The following KIF2C variants were observed in gnomAD, a reference collection of about 807,000 sequenced individuals.
KIF2C encodes the protein kinesin family member 2C.
Under a neutral mutation model 97.4 loss-of-function variants are expected in KIF2C, and 34 were observed. That is an observed-to-expected ratio of 0.35 (90% CI 0.27 to 0.46). The LOEUF is 0.46. KIF2C is among the 20% of genes least tolerant of loss of function. The pLI is 1.00. For missense variants in KIF2C, 750 were observed against 907.6 expected, an observed-to-expected ratio of 0.83 and a Z score of 2.23; for synonymous variants, 313 against 318.2, an observed-to-expected ratio of 0.98 and a Z score of 0.17.
Position 44,754,823 on chromosome 1 carries a change from A to G in KIF2C, c.737A>G (p.His246Arg), listed in dbSNP as rs1314723154. The change falls in exon 8 of 21, where the codon CAT becomes CGT. Residue 246 changes from histidine (H) to arginine (R), a missense_variant. Physicochemically the swap from His to Arg is conservative, Grantham distance 29. Transcript: ENST00000372224. ...GAATTTCGGGCTACTTTGGAATGTCATCCACTTACTATGACTGATCCTGTA... is the reference window on the plus strand; with the variant it reads ...GAATTTCGGGCTACTTTGGAATGTCGTCCACTTACTATGACTGATCCTGTA... ...IKEFRATLEC[H>R]PLTMTDPIEE... is the part of the protein sequence containing the mutation. 1 of 1,610,210 alleles carries G rather than the reference A, an allele frequency of 6.2e-7. No individual in the cohort carries two copies. Among genetic ancestry groups the G allele is most frequent in the Non-Finnish European group, 8.5e-7 (1 of 1,176,526 alleles).
chr1:44,747,121 A>G (rs868823920), intron 2 of KIF2C, among the ~76,000 whole-genome samples: 16 of 152,166 alleles, frequency 1.1e-4, no homozygotes, highest in Middle Eastern at 3.4e-3. Flanking sequence ...CATCCTGGCC[A>G]ACATGGTGAA....
At position 44,759,316 on chromosome 1, in the gene KIF2C, C is replaced by T; in HGVS notation, c.1335C>T (p.Val445=). Residue 445 remains valine (V), a synonymous_variant, in exon 14 of 21, where the codon GTC becomes GTT. Coordinates refer to ENST00000372224, the MANE Select transcript of KIF2C (RefSeq NM_006845.4). ...QEHLVNSADD[V]IKMIDMGSAC... ...ATCTGGTTAACTCTGCTGATGATGT[C>T]ATCAAGATGATCGACATGGGCAGCG... 6.2e-7 allele frequency: 1 copy of T among 1,614,168 alleles called. No individual in the cohort carries two copies. Among genetic ancestry groups the T allele is most frequent in the East Asian group, 2.2e-5 (1 of 44,890 alleles).
chr1:44,741,379 CAA>C (rs764626810), intron 2 of KIF2C, among the ~76,000 whole-genome samples: 21 of 58,478 alleles, frequency 3.6e-4, no homozygotes, highest in Admixed American at 8.1e-4. Context: ...GAATCTGTCT[CAA>C]AAAAAAAAAA....
chr1:44,749,355 G>T (rs1412783644), intron 4 of KIF2C, among the ~76,000 whole-genome samples: 1 of 152,052 alleles, frequency 6.6e-6, no homozygotes, highest in Non-Finnish European at 1.5e-5. Flanking sequence ...AATCGTTTGA[G>T]CCCGGGGGGG....
intron 19 of KIF2C, among the ~76,000 whole-genome samples, chr1:44,765,453 TATA>T (rs1486696800): frequency 1.4e-5 from 2 of 146,922 alleles, no homozygotes; most frequent in East Asian, 4.0e-4. Context: ...GAACTTAAAG[TATA>T]ATAATAAAAA....
chr1:44,746,365 C>T (rs577424212), intron 2 of KIF2C: 446 of 1,049,556 alleles, frequency 4.2e-4, no homozygotes, highest in Non-Finnish European at 4.8e-4. Flanking sequence ...GAATTGTGAC[C>T]TCATTGCAGG....
intron 6 of KIF2C, 87 bp downstream of exon 6, chr1:44,753,341 C>T (rs1649630573): frequency 6.2e-6 from 9 of 1,451,888 alleles, no homozygotes; most frequent in Admixed American, 2.2e-5. Context: ...ACCTTGGCAC[C>T]TGAGTTCAAG....
Position 44,747,688 on chromosome 1 carries a change from G to C in KIF2C, c.304G>C (p.Ala102Pro). The C allele has an allele frequency of 1.2e-6, 2 of 1,613,644 alleles. No individual in the cohort carries two copies. ...KRRSVNSKIP[A>P]PKESLRSRST... ...GAGATCCGTCAACTCCAAAATTCCT[G>C]CTCCAAAAGAAAGTAAGTGGATTTC... The change falls in exon 4 of 21, where the codon GCT becomes CCT. Residue 102 changes from alanine (A) to proline (P), a missense_variant. By Grantham distance (27) the Ala-to-Pro change is conservative. Transcript: ENST00000372224.
intron 13 of KIF2C, among the ~76,000 whole-genome samples, chr1:44,758,400 C>T (rs544101583): frequency 3.3e-5 from 5 of 152,258 alleles, no homozygotes; most frequent in South Asian, 2.1e-4. Flanking sequence ...TGACCTCCCT[C>T]GGCCGACCTC....
At chr1:44,758,537 A>C (rs1390534125) in intron 13 of KIF2C, among the ~76,000 whole-genome samples, 1 of 152,082 alleles carries the variant, frequency 6.6e-6, no homozygotes, top group Non-Finnish European at 1.5e-5. Context: ...TGCTTTCCTT[A>C]GAGTGGGATC....
intron 2 of KIF2C, chr1:44,746,559 G>A (rs768844514): frequency 3.6e-5 from 49 of 1,349,928 alleles, no homozygotes; most frequent in Middle Eastern, 1.9e-4. Flanking sequence ...TTCCTCCTCC[G>A]TGTCAGCCAT....
chr1:44,759,750 TG>T (rs1188597191), intron 14 of KIF2C, among the ~76,000 whole-genome samples: 10 of 152,228 alleles, frequency 6.6e-5, no homozygotes, highest in Non-Finnish European at 1.3e-4. Context: ...CTGGCTTCTT[TG>T]GGTTCTCCTT....
intron 19 of KIF2C, among the ~76,000 whole-genome samples, chr1:44,766,078 T>A (rs1650448907): frequency 1.3e-5 from 2 of 151,408 alleles, no homozygotes; most frequent in South Asian, 2.1e-4. Context: ...ATAAATAAAT[T>A]AGCTGGCTAT....
intron 8 of KIF2C, 115 bp downstream of exon 8, chr1:44,754,960 A>G (rs1206696005): frequency 3.0e-6 from 2 of 659,760 alleles, no homozygotes; most frequent in Non-Finnish European, 5.2e-6. Context: ...GGGTTTTATT[A>G]TTATTTTTTT....
chr1:44,765,919 G>A (rs1394958963), intron 19 of KIF2C, among the ~76,000 whole-genome samples: 1 of 152,196 alleles, frequency 6.6e-6, no homozygotes, highest in Non-Finnish European at 1.5e-5. Flanking sequence ...AGGCATGGTG[G>A]CAGGCACCTG....
At chr1:44,742,610 T>A (rs1344901689) in intron 2 of KIF2C, among the ~76,000 whole-genome samples, 1 of 151,418 alleles carries the variant, frequency 6.6e-6, no homozygotes, top group African/African-American at 2.4e-5. Flanking sequence ...TCCCAGCTAC[T>A]TGGGAAGCTG....
At chr1:44,764,034 G>GA (rs11292156) in intron 19 of KIF2C, among the ~76,000 whole-genome samples, 51 of 145,774 alleles carry the variant, frequency 3.5e-4, no homozygotes, top group Admixed American at 1.2e-3. Flanking sequence ...CTCCATCTCA[G>GA]AAAAAAAAAA....
chr1:44,742,738 C>A (rs11806308), intron 2 of KIF2C, among the ~76,000 whole-genome samples: 24,241 of 131,500 alleles, frequency 0.18, 2,190 homozygotes, highest in East Asian at 0.29. Context: ...AAAAAAAAAA[C>A]AAACTGCACA....
At chr1:44,753,954 A>ATTTTTTT in intron 7 of KIF2C, 121 bp downstream of exon 7, 1 of 241,004 alleles carries the variant, frequency 4.1e-6, no homozygotes, top group Non-Finnish European at 7.3e-6. Flanking sequence ...TTGAGGCCCC[A>ATTTTTTT]ATTCTTTTTT....
Sources: allele counts gnomAD v4.1 joint callset (sites outside exome capture counted in the v4.1 genomes callset), GRCh38; gene constraint gnomAD v4.1.1; transcripts MANE v1.5; gene names NCBI Gene and HGNC (gene_info 2026-07-23, HGNC 2026-07-21).